PXYLP1: variants seen among roughly 807,000 people sequenced by gnomAD.
PXYLP1 encodes the protein acid phosphatase-like 2.
In PXYLP1, 17 loss-of-function variants were observed where a neutral mutation model predicts 37.9. The ratio of observed to expected loss-of-function variants is 0.45; its 90% CI spans 0.31 to 0.67. The LOEUF is 0.67. Among genes scored for constraint, PXYLP1 ranks in the 30% least tolerant of loss-of-function variants. The pLI is 0.07. For missense variants in PXYLP1, 511 were observed against 612.0 expected, an observed-to-expected ratio of 0.84 and a Z score of 1.74; for synonymous variants, 221 against 232.2, an observed-to-expected ratio of 0.95 and a Z score of 0.44.
At chr3:141,281,984 TGAA>T (rs143068708) in intron 4 of PXYLP1, among the ~76,000 whole-genome samples, 5,262 of 152,152 alleles carry the variant, frequency 0.035, 155 homozygotes, top group South Asian at 0.1. Context: ...GATGAAAAGA[TGAA>T]GGTCTCTGAC....
rs753267121 is a variant in PXYLP1, at chr3:141,292,475, C to A, written c.713C>A (p.Ala238Glu). 6.2e-7 allele frequency: 1 copy of A among 1,614,204 alleles called. No individual in the cohort carries two copies. Among genetic ancestry groups the A allele is most frequent in the Non-Finnish European group, 8.5e-7 (1 of 1,180,044 alleles). ...KKIYFRHQPS[A>E]LFCSGSCYCP... ...ATTTATTTCAGGCACCAGCCAAGTG[C>A]GCTGTTCTGCTCTGGAAGCTGCTAT... Residue 238 changes from alanine (A) to glutamate (E), a missense_variant, in exon 6 of 6, where the codon GCG becomes GAG. Transcript: ENST00000286353. The surrounding 1 kb of genome is among the most constrained non-coding windows in gnomAD (Gnocchi z 4.3).
intron 5 of PXYLP1, among the ~76,000 whole-genome samples, chr3:141,288,386 T>C (rs1214141155): frequency 6.6e-6 from 1 of 152,190 alleles, no homozygotes; most frequent in African/African-American, 2.4e-5. Context: ...GCCATTATTA[T>C]TGGGGAAATG....
intron 1 of PXYLP1, chr3:141,235,011 G>A (rs1303618734): frequency 6.6e-6 from 1 of 152,252 alleles, no homozygotes; most frequent in African/African-American, 2.4e-5. Flanking sequence ...ATCTAGAGGT[G>A]GGTGGGAGAA....
Position 141,279,482 on chromosome 3 carries a change from G to C in PXYLP1, c.343G>C (p.Asp115His). Residue 115 changes from aspartate to histidine, a missense_variant, in exon 4 of 6, where the codon GAC (aspartate) becomes CAC (histidine). Asp to His is a moderately conservative substitution (Grantham distance 81). Transcript: ENST00000286353. Reference protein sequence around the residue: ...VIPKTKRPEIDCTLVANRKPY... With the variant: ...VIPKTKRPEIHCTLVANRKPY... The stretch of plus-strand genomic sequence containing the variant: ...TCCCAAAACAAAGCGACCAGAAATT[G>C]ACTGCACTCTGGTGGCTAACAGGTA... 6.2e-7 allele frequency: 1 copy of C among 1,614,192 alleles called. No homozygotes were observed. The highest frequency in any genetic ancestry group is 8.5e-7 in the Non-Finnish European group (1 of 1,180,046).
chr3:141,262,345 G>C (rs1201071750), intron 2 of PXYLP1: 1 of 1,017,788 alleles, frequency 9.8e-7, no homozygotes, highest in Non-Finnish European at 1.2e-6. Context: ...AGTGTGGTAA[G>C]ATATTCAGTA....
chr3:141,257,922 AAAAAG>A (rs1459145532), intron 1 of PXYLP1, among the ~76,000 whole-genome samples: 37 of 148,816 alleles, frequency 2.5e-4, no homozygotes, highest in African/African-American at 8.5e-4. Flanking sequence ...AAAAAAAAAA[AAAAAG>A]AGAGAGAGAG....
chr3:141,253,047 G>A (rs1387619899), intron 1 of PXYLP1, among the ~76,000 whole-genome samples: 1 of 152,208 alleles, frequency 6.6e-6, no homozygotes, highest in African/African-American at 2.4e-5. Context: ...GGTTCATGAA[G>A]TGGGCCTGTC....
At chr3:141,284,413 G>A (rs936074148) in intron 4 of PXYLP1, among the ~76,000 whole-genome samples, 4 of 152,164 alleles carry the variant, frequency 2.6e-5, no homozygotes, top group African/African-American at 7.2e-5. Flanking sequence ...TGGCGAATGC[G>A]GCTTTACCTC....
chr3:141,252,109 A>G (rs184302721), intron 1 of PXYLP1, among the ~76,000 whole-genome samples: 1 of 152,284 alleles, frequency 6.6e-6, no homozygotes, highest in African/African-American at 2.4e-5. Flanking sequence ...AGCTGACCCC[A>G]GGCCCATGCA....
In PXYLP1 at chr3:141,231,869, G is replaced by C. The variant is rs1040258219; in HGVS notation, c.-96G>C. 1 of 151,104 alleles carries C rather than the reference G, an allele frequency of 6.6e-6. No homozygotes were observed. The highest frequency in any genetic ancestry group is 1.5e-5 in the Non-Finnish European group (1 of 67,684). The allele number at this position is 151,104 out of a possible 1,614,324, so 9.4% of individuals were successfully genotyped here. On this transcript the variant is annotated 5_prime_UTR_variant, in exon 1 of 6. Transcript: ENST00000286353. This position sits in a 1 kb window ranked among gnomAD's most constrained non-coding sequence, Gnocchi z 4.4. ...GGAGCTGGCGGCGAGCGCCGAGCCGGGCGCGCAGCGACGGAGCTGGGGCCG... is the reference window on the plus strand; with the variant it reads ...GGAGCTGGCGGCGAGCGCCGAGCCGCGCGCGCAGCGACGGAGCTGGGGCCG...
intron 1 of PXYLP1, among the ~76,000 whole-genome samples, chr3:141,232,665 TCACA>T (rs112019608): frequency 2.2e-4 from 33 of 151,362 alleles, no homozygotes; most frequent in Non-Finnish European, 3.8e-4. Flanking sequence ...GCTGGGTTTG[TCACA>T]CACACACACA....
At chr3:141,247,297 C>G (rs751520876) in intron 1 of PXYLP1, among the ~76,000 whole-genome samples, 1 of 152,208 alleles carries the variant, frequency 6.6e-6, no homozygotes, top group Non-Finnish European at 1.5e-5. Context: ...ATCCATGGAG[C>G]ATTATGGGAA....
Position 141,260,224 on chromosome 3 carries a change from C to A in PXYLP1, c.49C>A (p.Leu17Met). The A allele has an allele frequency of 6.2e-7, 1 of 1,613,490 alleles. No homozygotes were observed. ...GCTGCTGCTGGCCCTGGCTGCGCTGCTGGCCTTTGTGAGCCTCAGCCTGCA... is the reference window on the plus strand; with the variant it reads ...GCTGCTGCTGGCCCTGGCTGCGCTGATGGCCTTTGTGAGCCTCAGCCTGCA... ...FLLLLALAAL[L>M]AFVSLSLQFF... The change falls in exon 2 of 6, where the codon CTG becomes ATG. Residue 17 changes from leucine (L) to methionine (M), a missense_variant. Transcript: ENST00000286353.
chr3:141,248,576 CATGTATATAT>C lies in PXYLP1; in HGVS notation c.-53-11545_-53-11536del, dbSNP rs1559881415. Reference sequence around the variant, plus strand: ...ATACACACGTGTATATATATACACACATGTATATATACACACACGTGTATATATACACACG... The same window carrying C: ...ATACACACGTGTATATATATACACACACACACACGTGTATATATACACACG... On this transcript the variant is annotated intron_variant, in intron 1 of 5. Coordinates refer to ENST00000286353, the MANE Select transcript of PXYLP1 (RefSeq NM_001037172.3). 1.3e-4 allele frequency among the ~76,000 whole-genome samples: 13 copies of C among 100,736 alleles called. 2 individuals carry two copies. The highest frequency in any genetic ancestry group is 3.7e-4 in the South Asian group (1 of 2,712). 66.1% of individuals were successfully genotyped at this position (100,736 alleles called of 152,430 possible).
intron 1 of PXYLP1, among the ~76,000 whole-genome samples, chr3:141,244,227 A>G (rs1229778277): frequency 6.6e-6 from 1 of 152,218 alleles, no homozygotes; most frequent in Non-Finnish European, 1.5e-5. Flanking sequence ...AAAATAGCAC[A>G]GGTTCAAATT....
At chr3:141,259,149 TA>T (rs1941332189) in intron 1 of PXYLP1, among the ~76,000 whole-genome samples, 1 of 152,230 alleles carries the variant, frequency 6.6e-6, no homozygotes, top group African/African-American at 2.4e-5. Context: ...TATTCACAGT[TA>T]CACAGCCCTC....
rs1341251250 is a variant in PXYLP1, at chr3:141,262,778, CATTT to C, written c.79+2530_79+2533del. 1.0e-5 allele frequency: 13 copies of C among 1,261,170 alleles called. No homozygotes were observed. In the African/African-American group the frequency reaches 1.9e-4, roughly 19 times the overall value. The allele number at this position is 1,261,170 out of a possible 1,614,324, so 78.1% of individuals were successfully genotyped here. ...TCTGTAGAAGTGAGTTTAATTGCTC[CATTT>C]ATTTAATTGCTTTATTGGTTGCTTA... is the stretch of plus-strand genomic sequence containing the variant. On this transcript the variant is annotated intron_variant, in intron 2 of 5. Coordinates refer to ENST00000286353, the MANE Select transcript of PXYLP1 (RefSeq NM_001037172.3).
Position 141,274,364 on chromosome 3 carries a change from A to G in PXYLP1, c.80-3978A>G, listed in dbSNP as rs902331256. ...ACCTGACCAGGCCTTACGGGACCCA[A>G]GGCGTATCCTGAGCCAGCTTGCTGA... On this transcript the variant is annotated intron_variant, in intron 2 of 5. Transcript: ENST00000286353. 6.3e-6 allele frequency: 9 copies of G among 1,428,532 alleles called. No individual in the cohort carries two copies. In the African/African-American group the frequency reaches 1.1e-4, roughly 18 times the overall value. 88.5% of individuals were successfully genotyped at this position (1,428,532 alleles called of 1,614,324 possible).
chr3:141,283,406 G>T (rs1941998971), intron 4 of PXYLP1, among the ~76,000 whole-genome samples: 1 of 152,128 alleles, frequency 6.6e-6, no homozygotes, highest in Non-Finnish European at 1.5e-5. Context: ...AACCTGAGGA[G>T]TGAGGGATGG....
Sources: allele counts gnomAD v4.1 joint callset (sites outside exome capture counted in the v4.1 genomes callset), GRCh38; gene constraint gnomAD v4.1.1; non-coding constraint Gnocchi (gnomAD v3.1); transcripts MANE v1.5; gene names NCBI Gene and HGNC (gene_info 2026-07-23, HGNC 2026-07-21).